The following ADAM12 variants were observed in gnomAD, a reference collection of about 807,000 sequenced individuals.
ADAM12 encodes disintegrin and metalloproteinase domain-containing protein 12.
A neutral mutation model predicts 106.4 loss-of-function variants in ADAM12; 70 were observed. The ratio of observed to expected loss-of-function variants is 0.66; its 90% CI spans 0.54 to 0.80. The LOEUF (loss-of-function observed/expected upper bound fraction) is 0.80, where lower values mean the gene tolerates loss of function less well. ADAM12 is among the 30% of genes least tolerant of loss of function. ADAM12 has a pLI of 0.00. For synonymous variants in ADAM12, 420 were observed against 433.5 expected (o/e 0.97, Z 0.39); for missense variants, 1,010 against 1,171.9 (o/e 0.86, Z 2.02).
At position 126,066,920 on chromosome 10, in the gene ADAM12, C is replaced by A; in HGVS notation, c.1324-114G>T. The A allele has an allele frequency of 1.0e-6, 1 of 955,764 alleles. No homozygotes were observed. 59.2% of individuals were successfully genotyped at this position (955,764 alleles called of 1,614,324 possible). A position where few individuals can be genotyped will look rare whatever the true frequency, so the allele number is the denominator to read the frequency against. On this transcript the variant is annotated intron_variant, in intron 12 of 22. Transcript: ENST00000448723. This position sits in a 1 kb window ranked among gnomAD's most constrained non-coding sequence, Gnocchi z 5.1. ...AGCAAGAAAGACCAAGAGGGCCCAGCTCCTGAACTGCACACCTGCCTGTTT... is the reference window on the plus strand; with the variant it reads ...AGCAAGAAAGACCAAGAGGGCCCAGATCCTGAACTGCACACCTGCCTGTTT...
At chr10:126,263,181 T>A (rs1362799218) in intron 3 of ADAM12, among the ~76,000 whole-genome samples, 1 of 152,238 alleles carries the variant, frequency 6.6e-6, no homozygotes, top group Non-Finnish European at 1.5e-5. Context: ...TAAGCATGAT[T>A]TCTGCCAGTA....
At chr10:126,174,979 A>G (rs1957192888) in intron 3 of ADAM12, among the ~76,000 whole-genome samples, 1 of 151,920 alleles carries the variant, frequency 6.6e-6, no homozygotes, top group African/African-American at 2.4e-5. Context: ...GATGGTCTCG[A>G]TCTCCTGACC....
intron 4 of ADAM12, among the ~76,000 whole-genome samples, chr10:126,137,563 C>G (rs1956428690): frequency 6.6e-6 from 1 of 152,348 alleles, no homozygotes; most frequent in South Asian, 2.1e-4. Flanking sequence ...TCCTCCATCT[C>G]TGGCAACCAT....
chr10:126,359,031 T>C (rs1855647400), intron 1 of ADAM12, among the ~76,000 whole-genome samples: 1 of 152,156 alleles, frequency 6.6e-6, no homozygotes, highest in Admixed American at 6.5e-5. Context: ...CAAGTCATGT[T>C]TTAAATGGAT....
At position 126,043,091 on chromosome 10, in the gene ADAM12, C is replaced by T; in HGVS notation, c.2053G>A (p.Asp685Asn). ...GTGCTTCCTCCAAAGCCAAACTTGTCACAGAAGGGAGGTGCCCAGTGGGCC... is the reference window on the plus strand; with the variant it reads ...GTGCTTCCTCCAAAGCCAAACTTGTTACAGAAGGGAGGTGCCCAGTGGGCC... Reference protein sequence around the residue: ...CEAHWAPPFCDKFGFGGSTDS... With the variant: ...CEAHWAPPFCNKFGFGGSTDS... The change falls in exon 18 of 23, where the codon GAC (aspartate) becomes AAC (asparagine). Residue 685 changes from aspartate (D) to asparagine (N), a missense_variant. Physicochemically the swap from Asp to Asn is conservative, Grantham distance 23. Coordinates refer to ENST00000448723, the MANE Select transcript of ADAM12 (RefSeq NM_001288973.2). This position sits in a 1 kb window ranked among gnomAD's most constrained non-coding sequence, Gnocchi z 4.1. 6.2e-7 allele frequency: 1 copy of T among 1,614,180 alleles called. No homozygotes were observed. Among genetic ancestry groups the T allele is most frequent in the Non-Finnish European group, 8.5e-7 (1 of 1,180,028 alleles).
intron 5 of ADAM12, among the ~76,000 whole-genome samples, chr10:126,120,721 T>C (rs1443998495): frequency 1.3e-5 from 2 of 151,558 alleles, no homozygotes; most frequent in Admixed American, 1.3e-4. Flanking sequence ...TTTCCTTCAG[T>C]TCAGCATGTC....
chr10:126,173,738 G>T (rs928619911), intron 3 of ADAM12, among the ~76,000 whole-genome samples: 1 of 152,020 alleles, frequency 6.6e-6, no homozygotes, highest in Non-Finnish European at 1.5e-5. Context: ...TCTTCCTGAG[G>T]AGTATAGCAG....
chr10:126,057,924 T>C (rs1954667779), intron 14 of ADAM12, among the ~76,000 whole-genome samples: 1 of 152,226 alleles, frequency 6.6e-6, no homozygotes, highest in Admixed American at 6.5e-5. Flanking sequence ...GGAGCTAACT[T>C]TCCTATCTAA....
intron 3 of ADAM12, among the ~76,000 whole-genome samples, chr10:126,240,898 C>T (rs796193586): frequency 1.1e-4 from 16 of 152,340 alleles, no homozygotes; most frequent in African/African-American, 3.4e-4. Context: ...TACCCTGCAG[C>T]GAAAGACCTT....
chr10:126,092,747 T>TG (rs1955489235), intron 11 of ADAM12, among the ~76,000 whole-genome samples: 1 of 152,078 alleles, frequency 6.6e-6, no homozygotes, highest in Non-Finnish European at 1.5e-5. Context: ...TCTGCCCAAA[T>TG]GGGGGCGATG....
rs141985608 is a variant in ADAM12, at chr10:126,094,271, G to A, written c.997-138C>T. On this transcript the variant is annotated intron_variant, in intron 10 of 22. Coordinates refer to ENST00000448723, the MANE Select transcript of ADAM12 (RefSeq NM_001288973.2). ...TCCTTATAAGGGACCAAGGTAAAAC[G>A]CTATCATTTAGTTTAAACTTAAAAA... The A allele has an allele frequency of 1.5e-4, 125 of 850,774 alleles. 1 individual carries two copies. In the African/African-American group the frequency reaches 1.5e-3, roughly 10 times the overall value. 52.7% of individuals were successfully genotyped at this position (850,774 alleles called of 1,614,324 possible).
At chr10:126,338,574 G>A (rs1437332755) in intron 1 of ADAM12, among the ~76,000 whole-genome samples, 1 of 152,072 alleles carries the variant, frequency 6.6e-6, no homozygotes. Context: ...TTTTATAACC[G>A]TTACTGGTGA....
Position 126,132,524 on chromosome 10 carries a change from A to ACCC in ADAM12, c.416+3057_416+3059dup, listed in dbSNP as rs35812837. ...ATTATCCCAGGAGTGCTGCATGAAC[A>ACCC]CCCCCCCCCCCTCAACTAGTCCAGT... is the stretch of plus-strand genomic sequence containing the variant. On this transcript the variant is annotated intron_variant, in intron 5 of 22. Transcript: ENST00000448723. Among the ~76,000 whole-genome samples the ACCC allele has an allele frequency of 4.5e-4, 55 of 120,984 alleles. 1 individual carries two copies. The highest frequency in any genetic ancestry group is 2.4e-4 in the Non-Finnish European group (14 of 57,696). 79.4% of individuals were successfully genotyped at this position (120,984 alleles called of 152,430 possible).
intron 11 of ADAM12, among the ~76,000 whole-genome samples, chr10:126,087,301 C>T (rs1172749514): frequency 6.6e-6 from 1 of 152,170 alleles, no homozygotes; most frequent in African/African-American, 2.4e-5. Flanking sequence ...GAAACAAGAA[C>T]AGGCTGCATA....
At chr10:126,156,067 C>G (rs1182705945) in intron 3 of ADAM12, among the ~76,000 whole-genome samples, 1 of 152,144 alleles carries the variant, frequency 6.6e-6, no homozygotes, top group Non-Finnish European at 1.5e-5. Context: ...CTATTTTATC[C>G]TGTTCAACAC....
rs2271648 is a variant in ADAM12, at chr10:126,013,860, C to G, written c.*3419G>C. ...CCTGCAATGTCCCCCAGCAGCCTGT[C>G]ATTGTGTGTGAAACTCCTAGCCTGA... is the stretch of plus-strand genomic sequence containing the variant. On this transcript the variant is annotated 3_prime_UTR_variant, in exon 23 of 23. Transcript: ENST00000448723. This position sits in a 1 kb window ranked among gnomAD's most constrained non-coding sequence, Gnocchi z 4.3. 8,857 of 152,500 alleles carry G rather than the reference C, an allele frequency of 0.058. 688 individuals are homozygous for G. Among genetic ancestry groups the G allele is most frequent in the African/African-American group, 0.17 (6,947 of 41,494 alleles). 9.4% of individuals were successfully genotyped at this position (152,500 alleles called of 1,614,324 possible).
intron 3 of ADAM12, among the ~76,000 whole-genome samples, chr10:126,156,145 T>C (rs1459354467): frequency 6.6e-6 from 1 of 152,054 alleles, no homozygotes; most frequent in African/African-American, 2.4e-5. Context: ...CAAAGACAAA[T>C]AGGAACAGCC....
rs112521338 is a variant in ADAM12, at chr10:126,357,582, T to C, written c.89-27073A>G. Among the ~76,000 whole-genome samples the C allele has an allele frequency of 8.4e-3, 1,282 of 152,282 alleles. 23 individuals carry two copies. The highest frequency in any genetic ancestry group is 0.029 in the African/African-American group (1,221 of 41,560). ...TAACTTATAAAGCAAAGAGGTTGAA[T>C]TGACTCACAGTTCAGCATGGCAGGG... On this transcript the variant is annotated intron_variant, in intron 1 of 22. Coordinates refer to ENST00000448723, the MANE Select transcript of ADAM12 (RefSeq NM_001288973.2).
chr10:126,121,165 C>CTATATATACTATATACACTATATACTA (rs1956095707), intron 5 of ADAM12, among the ~76,000 whole-genome samples: 1 of 23,062 alleles, frequency 4.3e-5, no homozygotes, highest in Non-Finnish European at 9.3e-5. Flanking sequence ...ACTATATATA[C>CTATATATACTATATACACTATATACTA]TATATATACT....
Sources: gnomAD v4.1 joint callset for allele counts (sites outside exome capture counted in the v4.1 genomes callset) on GRCh38, gnomAD v4.1.1 for gene constraint, Gnocchi (gnomAD v3.1) non-coding constraint, MANE v1.5 for transcripts, NCBI Gene and HGNC (gene_info 2026-07-23, HGNC 2026-07-21) for gene names.